The following RGS12 variants were observed in gnomAD, a reference collection of about 807,000 sequenced individuals.
RGS12 encodes regulator of G protein signaling 12.
Under a neutral mutation model 120.1 loss-of-function variants are expected in RGS12, and 66 were observed. The observed-to-expected ratio is 0.55, with a 90% CI of 0.45 to 0.67. RGS12 has a LOEUF of 0.67. Ranked by LOEUF, RGS12 falls within the 30% of genes least tolerant of loss-of-function variation. The pLI, the probability that RGS12 is intolerant of heterozygous loss-of-function variation, is 0.00. For missense variants in RGS12, 1,859 were observed against 1,957.7 expected (o/e 0.95, Z 0.95); for synonymous variants, 827 against 804.7 (o/e 1.03, Z -0.47).
rs1418162077 is a variant in RGS12 at position 3,372,420 on chromosome 4, T to G, written c.1999-13996T>G. 6.6e-6 allele frequency among the ~76,000 whole-genome samples: 1 copy of G among 152,198 alleles called. No individual in the cohort carries two copies. The highest frequency in any genetic ancestry group is 1.5e-5 in the Non-Finnish European group (1 of 68,040). ...TCCCCACTGCAAGTGAGTGCCCAGG[T>G]GAAGGCCCTGCTGGCGCACGGCTGG... On this transcript the variant is annotated intron_variant, in intron 3 of 17. Coordinates refer to ENST00000336727, the MANE Select transcript of RGS12 (RefSeq NM_001394154.1). The surrounding 1 kb of genome is among the most constrained non-coding windows in gnomAD (Gnocchi z 4.3).
chr4:3,364,275 G>A (rs764706596), intron 3 of RGS12, among the ~76,000 whole-genome samples: 6 of 152,126 alleles, frequency 3.9e-5, no homozygotes, highest in Non-Finnish European at 5.9e-5. Flanking sequence ...GGCTCGTTAC[G>A]TCCATCTGCC....
chr4:3,369,197 C>G (rs954100497), intron 3 of RGS12, among the ~76,000 whole-genome samples: 3 of 152,212 alleles, frequency 2.0e-5, no homozygotes, highest in Admixed American at 1.3e-4. Flanking sequence ...CCTGCAGACT[C>G]CCCCACACTT....
chr4:3,286,032 A>C, the RGS12 span, among the ~76,000 whole-genome samples: 4 of 152,256 alleles, frequency 2.6e-5, no homozygotes, highest in Non-Finnish European at 5.9e-5. Context: ...CGTCACCAAA[A>C]GAACGGAGCC....
chr4:3,343,513 C>T (rs1713465589), intron 3 of RGS12, among the ~76,000 whole-genome samples: 1 of 152,006 alleles, frequency 6.6e-6, no homozygotes, highest in Non-Finnish European at 1.5e-5. Context: ...CCCTTATGCC[C>T]CCACCCACTT....
chr4:3,328,631 G>A (rs917617261), intron 2 of RGS12, among the ~76,000 whole-genome samples: 4 of 152,172 alleles, frequency 2.6e-5, no homozygotes, highest in South Asian at 2.1e-4. Context: ...AATGGACTAC[G>A]ACTATATATA....
chr4:3,436,958 G>T (rs889703322), intron 17 of RGS12, among the ~76,000 whole-genome samples: 5 of 152,226 alleles, frequency 3.3e-5, no homozygotes, highest in African/African-American at 1.2e-4. Flanking sequence ...GTGGCCTCAG[G>T]TCTGGATGTT....
chr4:3,313,894 A>G (rs1281531799), intron 1 of RGS12, among the ~76,000 whole-genome samples: 1 of 152,208 alleles, frequency 6.6e-6, no homozygotes, highest in Non-Finnish European at 1.5e-5. Context: ...ATGTGGGTGT[A>G]TCAGGGGCCA....
intron 6 of RGS12, among the ~76,000 whole-genome samples, chr4:3,415,165 G>A (rs1257347840): frequency 6.6e-6 from 1 of 151,204 alleles, no homozygotes; most frequent in African/African-American, 2.4e-5. Flanking sequence ...GTGTGTGTGA[G>A]GGGCGTGTGT....
At chr4:3,392,920 A>G (rs1577038391) in intron 4 of RGS12, among the ~76,000 whole-genome samples, 3 of 152,176 alleles carry the variant, frequency 2.0e-5, no homozygotes, top group Non-Finnish European at 4.4e-5. Flanking sequence ...CTCAGGAGGC[A>G]GAGGTTGTAG....
chr4:3,393,158 C>T (rs1719677434), intron 4 of RGS12, among the ~76,000 whole-genome samples: 1 of 152,122 alleles, frequency 6.6e-6, no homozygotes, highest in Admixed American at 6.5e-5. Flanking sequence ...TGACTGAGTG[C>T]TGAATTTTGT....
rs533563470 is a variant in RGS12, at chr4:3,430,119, G to A, written c.3566-288G>A. Among the ~76,000 whole-genome samples, 17 of 152,342 alleles carry A rather than the reference G, an allele frequency of 1.1e-4. No homozygotes were observed. In the South Asian group the frequency reaches 2.1e-3, roughly 19 times the overall value. On this transcript the variant is annotated intron_variant, in intron 16 of 17. Coordinates refer to ENST00000336727, the MANE Select transcript of RGS12 (RefSeq NM_001394154.1). ...ACTCAGACGGCATCAGCGCGTAACC[G>A]TGTTGAGTCAAGCGTCTCGTTTGTT...
chr4:3,417,436 G>A lies in RGS12; in HGVS notation c.2656G>A (p.Asp886Asn). The stretch of plus-strand genomic sequence containing the variant: ...CCGATCCCTGAATGAAGAGCTGGGG[G>A]ATGAGGACAGCGAGAAGAAGCGGAA... ...SGRSLNEELG[D>N]EDSEKKRKGA... Residue 886 changes from aspartate to asparagine, a missense_variant, in exon 9 of 18, where the codon GAT (aspartate) becomes AAT (asparagine). Asp to Asn is a conservative substitution (Grantham distance 23). Around this residue, in one of 3 missense-constraint regions of RGS12, gnomAD observed 375 missense variants for 475.0 expected, o/e 0.79. Transcript: ENST00000336727. 6.2e-7 allele frequency: 1 copy of A among 1,607,178 alleles called. No individual in the cohort carries two copies. The highest frequency in any genetic ancestry group is 8.5e-7 in the Non-Finnish European group (1 of 1,175,322).
Position 3,414,861 on chromosome 4 carries a change from G to GA in RGS12, c.2283+19dup, listed in dbSNP as rs780642168. ...AAAAAGGAGGTAAGTCCACGCTTGG[G>GA]AAGTGGGGGCTGTGTGAGAGTGGCG... On this transcript the variant is annotated intron_variant, in intron 6 of 17. Transcript: ENST00000336727. 4.4e-6 allele frequency: 7 copies of GA among 1,580,080 alleles called. No homozygotes were observed. The highest frequency in any genetic ancestry group is 5.2e-6 in the Non-Finnish European group (6 of 1,149,090).
chr4:3,427,902 C>T (rs912402764), intron 14 of RGS12, among the ~76,000 whole-genome samples, 188 bp from the exon 15 acceptor site: 9 of 152,182 alleles, frequency 5.9e-5, no homozygotes, highest in South Asian at 2.1e-4. Context: ...CGGCTGTGTG[C>T]GTGGAGGACG....
In RGS12 at chr4:3,316,500, AG is replaced by A. The variant is rs1260258958; in HGVS notation, c.335del (p.Gly112AspfsTer9). 6.2e-7 allele frequency: 1 copy of A among 1,614,064 alleles called. No individual in the cohort carries two copies. The highest frequency in any genetic ancestry group is 1.3e-5 in the African/African-American group (1 of 74,936). On this transcript the variant is annotated frameshift_variant, in exon 2 of 18. Coordinates refer to ENST00000336727, the MANE Select transcript of RGS12 (RefSeq NM_001394154.1). LOFTEE classifies it high-confidence loss of function. ...TCGAATCCTGTTCCAGTGATGAAGAAGGGGGACTCTATGAAGGAAAAGGCTG... is the reference window on the plus strand; with the variant it reads ...TCGAATCCTGTTCCAGTGATGAAGAAGGGGACTCTATGAAGGAAAAGGCTG... ...RFESCSSDEE[G>X]GLYEGKGWLK...
intron 14 of RGS12, among the ~76,000 whole-genome samples, chr4:3,425,814 C>G (rs558502720): frequency 1.2e-3 from 11 of 8,924 alleles, no homozygotes; most frequent in South Asian, 0.011. Context: ...GGGGCTGTGG[C>G]GTTGGCATAG....
At chr4:3,351,472 A>G (rs1203512729) in intron 3 of RGS12, among the ~76,000 whole-genome samples, 2 of 152,124 alleles carry the variant, frequency 1.3e-5, no homozygotes, top group East Asian at 1.9e-4. Context: ...ACAAACCTAA[A>G]TTTACATTTC....
chr4:3,344,741 C>T (rs536208776), intron 3 of RGS12, among the ~76,000 whole-genome samples: 110 of 152,248 alleles, frequency 7.2e-4, no homozygotes, highest in Admixed American at 1.5e-3. Context: ...CACCAGGGCC[C>T]TGCTGCTTTC....
chr4:3,428,832 G>C (rs1723949428), intron 16 of RGS12, 121 bp downstream of exon 16: 1 of 850,294 alleles, frequency 1.2e-6, no homozygotes, highest in Non-Finnish European at 1.8e-6. Flanking sequence ...CCTGTGGCCT[G>C]GAAGACATGT....
Sources: gnomAD v4.1 joint callset for allele counts (sites outside exome capture counted in the v4.1 genomes callset) on GRCh38, gnomAD v4.1.1 for gene constraint, gnomAD v4.1.1 regional missense constraint, Gnocchi (gnomAD v3.1) non-coding constraint, MANE v1.5 for transcripts, NCBI Gene and HGNC (gene_info 2026-07-23, HGNC 2026-07-21) for gene names.